Variants in ATRNL1 observed in about 807,000 individuals in gnomAD.
ATRNL1 encodes attractin-like protein 1.
A neutral mutation model predicts 182.7 loss-of-function variants in ATRNL1; 95 were observed. The observed-to-expected ratio is 0.52, with a 90% confidence interval of 0.44 to 0.62. The LOEUF (loss-of-function observed/expected upper bound fraction) is 0.62. Among genes scored for constraint, ATRNL1 ranks in the 20% least tolerant of loss-of-function variants. The probability of loss-of-function intolerance (pLI) is 0.00; values close to 1 mark genes in which losing one functional copy is unlikely to be tolerated. For missense variants in ATRNL1, 1,471 were observed against 1,679.5 expected (o/e 0.88, Z 2.17); for synonymous variants, 576 against 568.3 (o/e 1.01, Z -0.19).
At chr10:115,158,819 A>C (rs562335952) in intron 5 of ATRNL1, among the ~76,000 whole-genome samples, 1 of 151,960 alleles carries the variant, frequency 6.6e-6, no homozygotes, top group South Asian at 2.1e-4. Context: ...ATGCCACTGT[A>C]TTGTAATGCC....
intron 27 of ATRNL1, among the ~76,000 whole-genome samples, chr10:115,819,669 G>A (rs1950247286): frequency 6.6e-6 from 1 of 151,890 alleles, no homozygotes; most frequent in Admixed American, 6.6e-5. Context: ...GTCCCTCTCA[G>A]TAGCACCCTG....
intron 26 of ATRNL1, among the ~76,000 whole-genome samples, chr10:115,598,445 C>A (rs1293136513): frequency 6.6e-6 from 1 of 150,970 alleles, no homozygotes; most frequent in East Asian, 1.9e-4. Context: ...CTCACTGCAA[C>A]CTCCGCCTCC....
chr10:115,096,954 T>G, intron 1 of ATRNL1: 1 of 361,678 alleles, frequency 2.8e-6, no homozygotes, highest in Non-Finnish European at 4.1e-6. Context: ...CTAATTCAAG[T>G]TGTATTTATT....
chr10:115,188,679 TA>T (rs1207563334), intron 8 of ATRNL1, among the ~76,000 whole-genome samples: 3 of 152,052 alleles, frequency 2.0e-5, no homozygotes, highest in South Asian at 2.1e-4. Context: ...TTCAGAAAGG[TA>T]TTTTTTTAAT....
At chr10:115,265,063 A>C in intron 10 of ATRNL1, 130 bp from the exon 11 acceptor site, 1 of 503,606 alleles carries the variant, frequency 2.0e-6, no homozygotes, top group Non-Finnish European at 3.5e-6. Context: ...ATGGAAAATT[A>C]ATGAGAATTT....
intron 26 of ATRNL1, among the ~76,000 whole-genome samples, chr10:115,726,002 G>A (rs1947585143): frequency 6.6e-6 from 1 of 152,174 alleles, no homozygotes; most frequent in Non-Finnish European, 1.5e-5. Context: ...CTTATTAACA[G>A]TTGCATTATT....
intron 1 of ATRNL1, among the ~76,000 whole-genome samples, chr10:115,112,110 T>C (rs1316010333): frequency 6.6e-6 from 1 of 151,192 alleles, no homozygotes; most frequent in African/African-American, 2.4e-5. Flanking sequence ...AGGTAAAAGA[T>C]CTATATGTAG....
chr10:115,763,116 G>A (rs2907516), intron 27 of ATRNL1, among the ~76,000 whole-genome samples: 149,642 of 152,318 alleles, frequency 0.98, 73,554 homozygotes, highest in Middle Eastern at 1. Context: ...TTTGTTTTGC[G>A]TATATATTTT....
At chr10:115,376,749 G>A (rs1857694091) in intron 19 of ATRNL1, among the ~76,000 whole-genome samples, 1 of 152,126 alleles carries the variant, frequency 6.6e-6, no homozygotes. Flanking sequence ...AAATCTGGAT[G>A]TCTGTAACCT....
chr10:115,506,816 T>C (rs1850137624), intron 24 of ATRNL1, among the ~76,000 whole-genome samples: 1 of 152,002 alleles, frequency 6.6e-6, no homozygotes, highest in Non-Finnish European at 1.5e-5. Context: ...AGGAGATTTG[T>C]GAAAGGTCAG....
At chr10:115,362,089 A>C (rs1554944381) in intron 19 of ATRNL1, among the ~76,000 whole-genome samples, 1 of 152,112 alleles carries the variant, frequency 6.6e-6, no homozygotes. Context: ...TCATGTATCC[A>C]AAAGAAAAAA....
chr10:115,636,946 C>A (rs1858914811), intron 26 of ATRNL1, among the ~76,000 whole-genome samples: 1 of 152,054 alleles, frequency 6.6e-6, no homozygotes, highest in African/African-American at 2.4e-5. Flanking sequence ...CAGCAATGGT[C>A]CCAAGAGATC....
intron 26 of ATRNL1, among the ~76,000 whole-genome samples, chr10:115,722,432 T>C (rs1373015053): frequency 2.6e-5 from 4 of 152,172 alleles, no homozygotes; most frequent in South Asian, 2.1e-4. Context: ...GATTTAGTTA[T>C]ATAAAATGGT....
chr10:115,516,424 T>C (rs904235375), intron 24 of ATRNL1, among the ~76,000 whole-genome samples: 1 of 151,878 alleles, frequency 6.6e-6, no homozygotes, highest in Non-Finnish European at 1.5e-5. Flanking sequence ...TGATGACTAC[T>C]ACCCTTGTGC....
intron 27 of ATRNL1, among the ~76,000 whole-genome samples, chr10:115,738,546 G>T (rs537738579): frequency 2.0e-5 from 3 of 152,028 alleles, no homozygotes; most frequent in South Asian, 4.1e-4. Context: ...CTGCATTTTG[G>T]AATTTTCTTC....
rs370642828 is a variant in ATRNL1 at position 115,272,792 on chromosome 10, G to A, written c.2100+4348G>A. 7.0e-4 allele frequency among the ~76,000 whole-genome samples: 107 copies of A among 152,240 alleles called. 2 individuals carry two copies. The South Asian group carries it at 0.021, about 30-fold the overall frequency. On this transcript the variant is annotated intron_variant, in intron 13 of 28. Coordinates refer to ENST00000355044, the MANE Select transcript of ATRNL1 (RefSeq NM_207303.4). ...AGCCCATTCCACTGTTTTATGAAAC[G>A]AGTTGCTTGACAATTGTAGGGAACA...
chr10:115,469,154 A>G lies in ATRNL1; in HGVS notation c.3497-18A>G, dbSNP rs782089710. 1 of 1,022,768 alleles carries G rather than the reference A, an allele frequency of 9.8e-7. No individual in the cohort carries two copies. Among genetic ancestry groups the G allele is most frequent in the Admixed American group, 3.1e-5 (1 of 32,222 alleles). 63.4% of individuals were successfully genotyped at this position (1,022,768 alleles called of 1,614,324 possible). On this transcript the variant is annotated intron_variant, in intron 23 of 28. Transcript: ENST00000355044. ...AGATATTTCCTAATATTAATTATTT[A>G]AATTATTTACATTTTAGCTGGAACA...
At chr10:115,868,391 A>G (rs886297523) in intron 28 of ATRNL1, among the ~76,000 whole-genome samples, 3 of 152,170 alleles carry the variant, frequency 2.0e-5, no homozygotes, top group Admixed American at 6.5e-5. Flanking sequence ...AATAGGGACA[A>G]TTGGGTGCAC....
intron 24 of ATRNL1, among the ~76,000 whole-genome samples, chr10:115,500,065 A>G (rs1849743070): frequency 6.6e-6 from 1 of 152,112 alleles, no homozygotes; most frequent in South Asian, 2.1e-4. Flanking sequence ...AAGAGAAAAT[A>G]GGGGGAGGAA....
Sources: gnomAD v4.1 joint callset for allele counts (sites outside exome capture counted in the v4.1 genomes callset) on GRCh38, gnomAD v4.1.1 for gene constraint, MANE v1.5 for transcripts, NCBI Gene and HGNC (gene_info 2026-07-23, HGNC 2026-07-21) for gene names.